The following VWA2 variants were observed in gnomAD, a reference collection of about 807,000 sequenced individuals.
The protein encoded by VWA2 is von Willebrand factor A domain containing 2, also known as von Willebrand factor A domain-containing protein 2.
Under a neutral mutation model 70.4 loss-of-function variants are expected in VWA2, and 73 were observed. That is an observed-to-expected ratio of 1.04 (90% CI 0.86 to 1.26). The LOEUF (loss-of-function observed/expected upper bound fraction) is 1.26. VWA2 is among the 50% of genes most tolerant of loss of function. The pLI, the probability that VWA2 is intolerant of heterozygous loss-of-function variation, is 0.00. For synonymous variants in VWA2, 407 were observed against 423.3 expected (o/e 0.96, Z 0.47); for missense variants, 1,011 against 998.5 (o/e 1.01, Z -0.17).
chr10:114,285,984 T>C lies in VWA2; in HGVS notation c.1043T>C (p.Leu348Pro), dbSNP rs770701229. 3 of 1,612,434 alleles carry C rather than the reference T, an allele frequency of 1.9e-6. No individual in the cohort carries two copies. The highest frequency in any genetic ancestry group is 2.5e-6 in the Non-Finnish European group (3 of 1,178,832). Residue 348 changes from leucine to proline, a missense_variant, in exon 11 of 14, where the codon CTG becomes CCG. Leu to Pro is a moderately conservative substitution (Grantham distance 98). Transcript: ENST00000392982. ...TGCAGGGTCGACCTCCTCTTCCTGCTGGACAGCTCTGCGGGCACCACTCTG... is the reference window on the plus strand; with the variant it reads ...TGCAGGGTCGACCTCCTCTTCCTGCCGGACAGCTCTGCGGGCACCACTCTG... ...LECRVDLLFL[L>P]DSSAGTTLDG... is the part of the protein sequence containing the mutation.
In VWA2 at chr10:114,291,340, C is replaced by A; in HGVS notation, c.*103C>A. ...GTGCCTACCTTCTGGAATGTCTGTG[C>A]CCCAGGTCCTTAGAATGTCTGCTTC... On this transcript the variant is annotated 3_prime_UTR_variant, in exon 14 of 14. Transcript: ENST00000392982. 1 of 1,350,484 alleles carries A rather than the reference C, an allele frequency of 7.4e-7. No homozygotes were observed. The highest frequency in any genetic ancestry group is 9.9e-7 in the Non-Finnish European group (1 of 1,008,850). The allele number at this position is 1,350,484 out of a possible 1,614,324, so 83.7% of individuals were successfully genotyped here. A position where few individuals can be genotyped will look rare whatever the true frequency, so the allele number is the denominator to read the frequency against.
In VWA2 at chr10:114,293,527, A is replaced by G. The variant is rs892177465; in HGVS notation, c.*2290A>G. Among the ~76,000 whole-genome samples the G allele has an allele frequency of 6.6e-6, 1 of 152,186 alleles. No homozygotes were observed. Among genetic ancestry groups the G allele is most frequent in the Non-Finnish European group, 1.5e-5 (1 of 68,034 alleles). The stretch of plus-strand genomic sequence containing the variant: ...TAGTGACAGTGCCACTAAATAGTTC[A>G]GCTTTTGTCAGTCCCCCAGGAAAGT... On this transcript the variant is annotated 3_prime_UTR_variant, in exon 14 of 14. Transcript: ENST00000392982.
At chr10:114,253,147 C>A (rs1292657389) in intron 2 of VWA2, among the ~76,000 whole-genome samples, 2 of 141,326 alleles carry the variant, frequency 1.4e-5, no homozygotes, top group Non-Finnish European at 3.1e-5. Context: ...AATCCTGTGG[C>A]CTCCTCAGTG....
intron 5 of VWA2, among the ~76,000 whole-genome samples, chr10:114,268,682 T>C (rs2037628502): frequency 7.2e-6 from 1 of 139,634 alleles, no homozygotes; most frequent in East Asian, 2.0e-4. Flanking sequence ...AGCGGAGGGA[T>C]TTCTTTTTCT....
intron 8 of VWA2, chr10:114,281,767 C>G: frequency 2.0e-6 from 2 of 985,178 alleles, no homozygotes; most frequent in Non-Finnish European, 2.4e-6. Flanking sequence ...CTCTCCCCAT[C>G]GAAGCTTTAA....
chr10:114,291,067 A>G (rs2039545891), intron 13 of VWA2, 151 bp from the exon 14 acceptor site: 3 of 906,862 alleles, frequency 3.3e-6, no homozygotes, highest in African/African-American at 3.3e-5. Context: ...TCTGGAGGAT[A>G]ATCACATGGG....
intron 9 of VWA2, 28 bp from the exon 10 acceptor site, chr10:114,284,835 T>C: frequency 6.3e-7 from 1 of 1,583,010 alleles, no homozygotes; most frequent in Non-Finnish European, 8.6e-7. Context: ...CTGCGGTGCT[T>C]AGCGGTTAAT....
In VWA2 at chr10:114,284,889, AATGGAGGCAC is replaced by A; in HGVS notation, c.920_929del (p.Gly307ValfsTer25). On this transcript the variant is annotated frameshift_variant, in exon 10 of 14. Transcript: ENST00000392982. LOFTEE classifies it high-confidence loss of function. ...CCCCTGTGACTCGCAGCCCTGCCAG[AATGGAGGCAC>A]ATGTGTTCCAGAAGGACTGGACGGC... 1 of 1,609,278 alleles carries A rather than the reference AATGGAGGCAC, an allele frequency of 6.2e-7. No individual in the cohort carries two copies. The highest frequency in any genetic ancestry group is 8.5e-7 in the Non-Finnish European group (1 of 1,178,368).
At chr10:114,246,927 A>G (rs1467073973) in intron 1 of VWA2, among the ~76,000 whole-genome samples, 1 of 152,234 alleles carries the variant, frequency 6.6e-6, no homozygotes, top group Non-Finnish European at 1.5e-5. Context: ...GAAAGTAGCC[A>G]CAAGAATTGT....
intron 9 of VWA2, among the ~76,000 whole-genome samples, chr10:114,284,575 T>C (rs543496575): frequency 4.7e-4 from 71 of 152,340 alleles, no homozygotes; most frequent in Non-Finnish European, 7.9e-4. Flanking sequence ...CCACACTTGA[T>C]GCTACGGGGA....
chr10:114,266,093 C>T (rs1264375168), intron 5 of VWA2, among the ~76,000 whole-genome samples: 15 of 152,040 alleles, frequency 9.9e-5, no homozygotes, highest in African/African-American at 3.4e-4. Context: ...GTCGGGATAT[C>T]GAGACCATCC....
intron 1 of VWA2, among the ~76,000 whole-genome samples, chr10:114,244,662 G>A (rs2037033257): frequency 6.6e-6 from 1 of 152,180 alleles, no homozygotes; most frequent in East Asian, 1.9e-4. Flanking sequence ...GTGTAGGGCT[G>A]TATTTTGGAG....
intron 11 of VWA2, among the ~76,000 whole-genome samples, chr10:114,287,188 T>C (rs1460145538): frequency 1.3e-5 from 2 of 152,134 alleles, no homozygotes; most frequent in Non-Finnish European, 2.9e-5. Context: ...AACACGTCTT[T>C]TTTTTCTTTT....
chr10:114,241,350 A>G lies in VWA2; in HGVS notation c.-11+1781A>G, dbSNP rs564802211. 2.6e-4 allele frequency among the ~76,000 whole-genome samples: 39 copies of G among 152,292 alleles called. 1 individual carries two copies. Among genetic ancestry groups the G allele is most frequent in the African/African-American group, 8.9e-4 (37 of 41,554 alleles). On this transcript the variant is annotated intron_variant, in intron 1 of 13. Coordinates refer to ENST00000392982, the MANE Select transcript of VWA2 (RefSeq NM_001272046.2). ...AAACAGCATAGTTTCACTACCGTAA[A>G]AATCTTCTGTGCATCCCACCCTCCC... is the stretch of plus-strand genomic sequence containing the variant.
chr10:114,262,626 C>T (rs1337568103), intron 5 of VWA2, among the ~76,000 whole-genome samples: 4 of 152,096 alleles, frequency 2.6e-5, no homozygotes, highest in Admixed American at 2.0e-4. Flanking sequence ...GTAGGTCTAC[C>T]AGTGCTCTCA....
chr10:114,291,509 C>A lies in VWA2; in HGVS notation c.*272C>A, dbSNP rs920309435. 3 of 449,584 alleles carry A rather than the reference C, an allele frequency of 6.7e-6. No homozygotes were observed. Among genetic ancestry groups the A allele is most frequent in the African/African-American group, 6.1e-5 (3 of 48,848 alleles). The allele number at this position is 449,584 out of a possible 1,614,324, so 27.8% of individuals were successfully genotyped here. ...TGATGTGTAAGTAAATACCCACTTT[C>A]TGTACCTGCTGTGCCTTGTTGAGGC... On this transcript the variant is annotated 3_prime_UTR_variant, in exon 14 of 14. Transcript: ENST00000392982.
chr10:114,252,356 A>C (rs1309007137), intron 2 of VWA2, among the ~76,000 whole-genome samples: 3 of 151,914 alleles, frequency 2.0e-5, no homozygotes, highest in Non-Finnish European at 4.4e-5. Context: ...TGAGGGGAGG[A>C]GGGAGTATTA....
At chr10:114,264,701 G>A (rs1265985194) in intron 5 of VWA2, among the ~76,000 whole-genome samples, 1 of 151,786 alleles carries the variant, frequency 6.6e-6, no homozygotes, top group African/African-American at 2.4e-5. Flanking sequence ...TTACAGGCGT[G>A]AGCCACTGTG....
intron 6 of VWA2, among the ~76,000 whole-genome samples, chr10:114,274,525 A>G (rs753947035): frequency 6.6e-6 from 1 of 152,168 alleles, no homozygotes; most frequent in African/African-American, 2.4e-5. Flanking sequence ...CCCAGGCTGG[A>G]GTGCAGTGGC....
Sources: allele counts gnomAD v4.1 joint callset (sites outside exome capture counted in the v4.1 genomes callset), GRCh38; gene constraint gnomAD v4.1.1; transcripts MANE v1.5; gene names NCBI Gene and HGNC (gene_info 2026-07-23, HGNC 2026-07-21).